STYXL1: variants seen among roughly 807,000 people sequenced by gnomAD.
STYXL1 encodes serine/threonine/tyrosine interacting like 1.
Under a neutral mutation model 36.4 loss-of-function variants are expected in STYXL1, and 32 were observed. The observed-to-expected ratio is 0.88, with a 90% CI of 0.66 to 1.18. The LOEUF is 1.18. Ranked by LOEUF, STYXL1 falls within the 50% of genes most tolerant of loss-of-function variation. The pLI is 0.00. For missense variants in STYXL1, 354 were observed against 394.1 expected (o/e 0.90, Z 0.86); for synonymous variants, 133 against 144.1 (o/e 0.92, Z 0.55).
intron 1 of STYXL1, among the ~76,000 whole-genome samples, chr7:76,031,206 C>G (rs1795289967): frequency 6.7e-6 from 1 of 150,220 alleles, no homozygotes. Flanking sequence ...TGGTGCACAC[C>G]TGTAATCCCA....
Position 76,021,908 on chromosome 7 carries a change from G to T in STYXL1, c.250C>A (p.Leu84Met). 1 of 1,613,700 alleles carries T rather than the reference G, an allele frequency of 6.2e-7. No individual in the cohort carries two copies. ...CVVYDNNSST[L>M]EILLKDDDDD... ...TCATCATCTTTTAAGAGTATCTCCA[G>T]GGTGCTGCTGTTGTTATCATACACC... Residue 84 changes from leucine (L) to methionine (M), a missense_variant, in exon 4 of 9, where the codon CTG (leucine) becomes ATG (methionine). Coordinates refer to ENST00000359697, the MANE Select transcript of STYXL1 (RefSeq NM_001317785.2).
Position 76,018,638 on chromosome 7 carries a change from G to C in STYXL1, c.307+3213C>G, listed in dbSNP as rs141415905. 1.9e-3 allele frequency among the ~76,000 whole-genome samples: 282 copies of C among 152,196 alleles called. 1 individual carries two copies. Among genetic ancestry groups the C allele is most frequent in the Non-Finnish European group, 3.1e-3 (208 of 68,010 alleles). Reference sequence around the variant, plus strand: ...ACTCCTGACCTCAGGTGATCCTCCCGCCTTGGCCTTCCAAAGTGCTGGGAT... The same window carrying C: ...ACTCCTGACCTCAGGTGATCCTCCCCCCTTGGCCTTCCAAAGTGCTGGGAT... On this transcript the variant is annotated intron_variant, in intron 4 of 8. Transcript: ENST00000359697.
intron 2 of STYXL1, among the ~76,000 whole-genome samples, chr7:76,029,544 G>A (rs1193596744): frequency 6.6e-6 from 1 of 152,158 alleles, no homozygotes; most frequent in Non-Finnish European, 1.5e-5. Flanking sequence ...CAGTGGGCTG[G>A]GGGGCGGGGA....
At chr7:76,005,439 T>A (rs1554569852) in intron 5 of STYXL1, 35 bp from the exon 6 acceptor site, 4 of 1,563,510 alleles carry the variant, frequency 2.6e-6, no homozygotes, top group South Asian at 2.3e-5. Flanking sequence ...GCTATGAGCA[T>A]ATTCCTCAGG....
intron 5 of STYXL1, among the ~76,000 whole-genome samples, chr7:76,011,463 T>G (rs1792544336): frequency 6.6e-6 from 1 of 152,198 alleles, no homozygotes; most frequent in African/African-American, 2.4e-5. Context: ...AAACATCCTG[T>G]GAATAGTCAC....
chr7:76,018,877 C>A (rs1793711007), intron 4 of STYXL1, among the ~76,000 whole-genome samples: 1 of 152,300 alleles, frequency 6.6e-6, no homozygotes, highest in South Asian at 2.1e-4. Flanking sequence ...GGGTCTATAT[C>A]TTAACCTTCT....
intron 7 of STYXL1, among the ~76,000 whole-genome samples, chr7:76,001,606 G>C (rs1790933403): frequency 6.6e-6 from 1 of 151,752 alleles, no homozygotes; most frequent in Admixed American, 6.6e-5. Context: ...TGATTCTCCT[G>C]GCTTAACCTC....
intron 1 of STYXL1, among the ~76,000 whole-genome samples, chr7:76,041,857 G>T (rs61303167): frequency 0.19 from 28,429 of 152,190 alleles, 2,961 homozygotes; most frequent in East Asian, 0.29. Flanking sequence ...CTTGGCAGAT[G>T]AATGGAAAGG....
intron 4 of STYXL1, among the ~76,000 whole-genome samples, chr7:76,016,192 ATATC>A (rs1195856199): frequency 6.6e-6 from 1 of 151,932 alleles, no homozygotes. Context: ...AGATATATGT[ATATC>A]TATACATATG....
intron 3 of STYXL1, among the ~76,000 whole-genome samples, chr7:76,023,864 T>G (rs1321456824): frequency 6.6e-6 from 1 of 151,928 alleles, no homozygotes; most frequent in Non-Finnish European, 1.5e-5. Flanking sequence ...AATACAAAAA[T>G]TAGCCAGGTG....
At chr7:76,011,336 G>C (rs552825826) in intron 5 of STYXL1, among the ~76,000 whole-genome samples, 5 of 152,092 alleles carry the variant, frequency 3.3e-5, no homozygotes, top group Admixed American at 3.3e-4. Context: ...CAGACATCAC[G>C]TCATTTCACC....
intron 3 of STYXL1, among the ~76,000 whole-genome samples, chr7:76,025,020 A>G (rs1554577298): frequency 6.6e-6 from 1 of 151,142 alleles, no homozygotes; most frequent in African/African-American, 2.4e-5. Context: ...AGTATGGGAT[A>G]CATGTGCATC....
chr7:76,039,322 C>G (rs528268828), intron 1 of STYXL1, among the ~76,000 whole-genome samples: 5 of 138,382 alleles, frequency 3.6e-5, no homozygotes, highest in Non-Finnish European at 7.4e-5. Context: ...GTGATCTTCC[C>G]GCCTCAGCCT....
At chr7:76,005,862 GGAGGAAGAGAGAGGAGGAGA>G (rs1355471105) in intron 5 of STYXL1, among the ~76,000 whole-genome samples, 11 of 118,476 alleles carry the variant, frequency 9.3e-5, no homozygotes, top group African/African-American at 2.4e-4. Flanking sequence ...GGAGGAGAGA[GGAGGAAGAGAGAGGAGGAGA>G]GAGGAGGAGG....
chr7:76,043,877 T>A (rs1585361407), intron 1 of STYXL1: 1 of 152,230 alleles, frequency 6.6e-6, no homozygotes, highest in African/African-American at 2.4e-5. Flanking sequence ...TTGAATTAAA[T>A]TCCTAGTTTT....
intron 1 of STYXL1, among the ~76,000 whole-genome samples, chr7:76,036,782 C>CTTTTTTTTT (rs71082378): frequency 9.8e-6 from 1 of 101,610 alleles, no homozygotes; most frequent in Non-Finnish European, 2.0e-5. Flanking sequence ...CAGTATAGCT[C>CTTTTTTTTT]TTTTTTTTTT....
At chr7:76,029,584 T>C (rs1233501421) in intron 2 of STYXL1, among the ~76,000 whole-genome samples, 2 of 152,130 alleles carry the variant, frequency 1.3e-5, no homozygotes, top group African/African-American at 4.8e-5. Context: ...GCCCATTACA[T>C]TTTTTGTGCA....
intron 4 of STYXL1, among the ~76,000 whole-genome samples, chr7:76,019,052 C>T (rs1554575044): frequency 2.6e-5 from 4 of 152,152 alleles, no homozygotes; most frequent in African/African-American, 9.7e-5. Context: ...GTGGTTTTGA[C>T]ATCAATTTAA....
At position 76,036,929 on chromosome 7, in the gene STYXL1, C is replaced by T. The variant is rs367931034; in HGVS notation, c.-4-6402G>A. On this transcript the variant is annotated intron_variant, in intron 1 of 8. Transcript: ENST00000359697. ...CCTCCTGAGTAGCTGGGACTACAGG[C>T]GCCCGCCACCACACCCGGCTAATTT... Among the ~76,000 whole-genome samples the T allele has an allele frequency of 1.4e-3, 205 of 148,682 alleles. 23 individuals carry two copies. The South Asian group carries it at 0.04, about 29-fold the overall frequency.
Sources: allele counts gnomAD v4.1 joint callset (sites outside exome capture counted in the v4.1 genomes callset), GRCh38; gene constraint gnomAD v4.1.1; transcripts MANE v1.5; gene names NCBI Gene and HGNC (gene_info 2026-07-23, HGNC 2026-07-21).